The following TAB2 variants were observed in gnomAD, a reference collection of about 807,000 sequenced individuals.
The protein encoded by TAB2 is TGF-beta activated kinase 1 (MAP3K7) binding protein 2, also known as TGF-beta-activated kinase 1 and MAP3K7-binding protein 2.
Under a neutral mutation model 65.0 loss-of-function variants are expected in TAB2, and 3 were observed. The observed-to-expected ratio is 0.05, with a 90% confidence interval of 0.02 to 0.12. TAB2 has a LOEUF of 0.12. TAB2 is among the 10% of genes least tolerant of loss of function. TAB2 has a pLI of 1.00. For missense variants in TAB2, 623 were observed against 840.3 expected, an observed-to-expected ratio of 0.74 and a Z score of 3.20; for synonymous variants, 298 against 285.1, an observed-to-expected ratio of 1.05 and a Z score of -0.46.
At chr6:149,275,222 G>C (rs1156300563) in intron 1 of TAB2, among the ~76,000 whole-genome samples, 2 of 110,230 alleles carry the variant, frequency 1.8e-5, no homozygotes, top group African/African-American at 8.5e-5. Flanking sequence ...GGCGGGGGAG[G>C]GGGGAGAGAG....
At chr6:149,370,969 A>G (rs1180079939) in intron 2 of TAB2, among the ~76,000 whole-genome samples, 3 of 150,330 alleles carry the variant, frequency 2.0e-5, no homozygotes, top group South Asian at 2.1e-4. Context: ...AGAAGACTGA[A>G]GCATGAGAAT....
At chr6:149,286,969 T>C (rs1008059026) in intron 1 of TAB2, among the ~76,000 whole-genome samples, 2 of 151,858 alleles carry the variant, frequency 1.3e-5, no homozygotes, top group Non-Finnish European at 2.9e-5. Flanking sequence ...ATAAAAAAAT[T>C]AGCCAAGAAT....
intron 1 of TAB2, among the ~76,000 whole-genome samples, chr6:149,358,460 A>C (rs2114826157): frequency 6.6e-6 from 1 of 152,280 alleles, no homozygotes. Context: ...AACTTGTATT[A>C]TTCTGTCTTC....
intron 6 of TAB2, 146 bp from the exon 7 acceptor site, chr6:149,409,431 G>A (rs192797033): frequency 1.7e-5 from 12 of 699,066 alleles, no homozygotes; most frequent in Non-Finnish European, 2.2e-5. Context: ...GGTAGTGATC[G>A]AGCATGTGTG....
chr6:149,259,043 C>T (rs924440581), intron 1 of TAB2, among the ~76,000 whole-genome samples: 4 of 152,168 alleles, frequency 2.6e-5, no homozygotes, highest in African/African-American at 4.8e-5. Flanking sequence ...CTCCCAGGGC[C>T]TCCAGAAAGG....
intron 1 of TAB2, among the ~76,000 whole-genome samples, chr6:149,249,123 GACAC>G (rs1309097852): frequency 4.8e-5 from 7 of 144,342 alleles, no homozygotes; most frequent in African/African-American, 1.8e-4. Context: ...TCTGCACACA[GACAC>G]ACACACATAC....
intron 1 of TAB2, among the ~76,000 whole-genome samples, chr6:149,319,636 C>A (rs1252193079): frequency 6.6e-6 from 1 of 152,140 alleles, no homozygotes; most frequent in African/African-American, 2.4e-5. Context: ...TGGGTTTTTC[C>A]CCCATAGGTC....
intron 3 of TAB2, among the ~76,000 whole-genome samples, chr6:149,397,239 C>T (rs537379229): frequency 6.6e-5 from 10 of 152,278 alleles, no homozygotes; most frequent in Non-Finnish European, 1.0e-4. Flanking sequence ...GTCCAGAGTT[C>T]GAGACCAGCC....
intron 3 of TAB2, 52 bp from the exon 4 acceptor site, chr6:149,397,552 G>A (rs1782213920): frequency 1.3e-6 from 2 of 1,598,890 alleles, no homozygotes; most frequent in South Asian, 2.2e-5. Flanking sequence ...TCTGCTTAAA[G>A]GTTAATTGAT....
At chr6:149,249,276 G>A (rs1334538476) in intron 1 of TAB2, among the ~76,000 whole-genome samples, 1 of 152,236 alleles carries the variant, frequency 6.6e-6, no homozygotes, top group African/African-American at 2.4e-5. Context: ...CAGGCAGACA[G>A]AACTCTGCTC....
intron 1 of TAB2, among the ~76,000 whole-genome samples, chr6:149,319,227 G>A (rs919168637): frequency 1.3e-5 from 2 of 152,178 alleles, no homozygotes; most frequent in Non-Finnish European, 2.9e-5. Flanking sequence ...ATTTTAGTGG[G>A]CATGGAATAG....
chr6:149,250,488 T>C (rs1195783267), intron 1 of TAB2, among the ~76,000 whole-genome samples: 1 of 152,174 alleles, frequency 6.6e-6, no homozygotes, highest in African/African-American at 2.4e-5. Context: ...GTATTTTTAG[T>C]AGAGACAGGG....
intron 1 of TAB2, among the ~76,000 whole-genome samples, chr6:149,254,052 A>C (rs1777940312): frequency 7.2e-6 from 1 of 139,284 alleles, no homozygotes. Flanking sequence ...AGAAAGAGGG[A>C]GAGAGGGAGG....
At chr6:149,330,118 T>TC (rs1432721385) in intron 1 of TAB2, among the ~76,000 whole-genome samples, 2 of 152,014 alleles carry the variant, frequency 1.3e-5, no homozygotes, top group Non-Finnish European at 2.9e-5. Flanking sequence ...CCCAGTATAA[T>TC]CCCCTTGAGG....
At chr6:149,374,878 C>T (rs1161493884) in intron 2 of TAB2, among the ~76,000 whole-genome samples, 3 of 152,032 alleles carry the variant, frequency 2.0e-5, no homozygotes, top group African/African-American at 7.2e-5. Flanking sequence ...TCTCAACAAA[C>T]AAATGGCTAG....
intron 1 of TAB2, among the ~76,000 whole-genome samples, chr6:149,248,927 T>C (rs1388950004): frequency 6.6e-6 from 1 of 152,114 alleles, no homozygotes; most frequent in Non-Finnish European, 1.5e-5. Flanking sequence ...AAAGGATATG[T>C]GTCCACCCTC....
chr6:149,401,675 A>G (rs930080125), intron 6 of TAB2, among the ~76,000 whole-genome samples: 1 of 152,156 alleles, frequency 6.6e-6, no homozygotes, highest in Non-Finnish European at 1.5e-5. Flanking sequence ...GCTGATTTGA[A>G]CAAGCACACA....
chr6:149,259,372 C>CACACACAT (rs1292265894), intron 1 of TAB2, among the ~76,000 whole-genome samples: 1 of 148,522 alleles, frequency 6.7e-6, no homozygotes, highest in African/African-American at 2.5e-5. Flanking sequence ...CACACACACA[C>CACACACAT]ATACACACAA....
chr6:149,285,507 T>C (rs912020822), intron 1 of TAB2, among the ~76,000 whole-genome samples: 1 of 152,214 alleles, frequency 6.6e-6, no homozygotes, highest in Non-Finnish European at 1.5e-5. Flanking sequence ...CCCTACTGAC[T>C]GCAAAATCTG....
Sources: gnomAD v4.1 joint callset for allele counts (sites outside exome capture counted in the v4.1 genomes callset) on GRCh38, gnomAD v4.1.1 for gene constraint, MANE v1.5 for transcripts, NCBI Gene and HGNC (gene_info 2026-07-23, HGNC 2026-07-21) for gene names.